Variants in CNTN5 observed in about 807,000 individuals in gnomAD.
CNTN5 encodes the protein contactin 5.
CNTN5 carries 77 observed loss-of-function variants against 129.1 expected under a neutral mutation model. The ratio of observed to expected loss-of-function variants is 0.60; its 90% CI spans 0.50 to 0.72. CNTN5 has a LOEUF of 0.72. Among genes scored for constraint, CNTN5 ranks in the 30% least tolerant of loss-of-function variants. The pLI is 0.00. For synonymous variants in CNTN5, 509 were observed against 465.6 expected (o/e 1.09, Z -1.20); for missense variants, 1,478 against 1,328.8 (o/e 1.11, Z -1.75).
chr11:99,649,009 A>C (rs2135872710), intron 3 of CNTN5, among the ~76,000 whole-genome samples: 1 of 151,838 alleles, frequency 6.6e-6, no homozygotes, highest in African/African-American at 2.4e-5. Context: ...TGGCATAACT[A>C]TAGTCAAGAA....
At chr11:99,113,442 A>C (rs1037214037) in intron 1 of CNTN5, among the ~76,000 whole-genome samples, 1 of 152,110 alleles carries the variant, frequency 6.6e-6, no homozygotes, top group African/African-American at 2.4e-5. Flanking sequence ...TAAGGCAGAA[A>C]AAAAGGAAAA....
chr11:100,299,300 C>T lies in CNTN5; in HGVS notation c.2524C>T (p.Pro842Ser). ...ATTCATTTATCGAGATGAAAGTGTC[C>T]CTCCTCTTACTCCCTTTGAAGTGAA... The part of the protein sequence containing the change: ...SKFIYRDESV[P>S]PLTPFEVKVG... Residue 842 changes from proline (P) to serine (S), a missense_variant, in exon 20 of 25, where the codon CCT becomes TCT. Transcript: ENST00000524871. The T allele has an allele frequency of 4.3e-6, 7 of 1,610,490 alleles. No homozygotes were observed. Among genetic ancestry groups the T allele is most frequent in the Non-Finnish European group, 5.9e-6 (7 of 1,177,710 alleles).
intron 21 of CNTN5, chr11:100,337,429 C>G: frequency 1.3e-6 from 1 of 756,372 alleles, no homozygotes; most frequent in Non-Finnish European, 2.5e-6. Context: ...AGCAGCCTCC[C>G]TGTGGCCCAA....
In CNTN5 at chr11:99,040,010, C is replaced by T. The variant is rs190626898; in HGVS notation, c.-210+18740C>T. On this transcript the variant is annotated intron_variant, in intron 1 of 24. Transcript: ENST00000524871. Reference sequence around the variant, plus strand: ...TTCATGCAGAGAAGAGATTTACTGACGGTTCAGTTTCATGAAATTTATGAC... The same window carrying T: ...TTCATGCAGAGAAGAGATTTACTGATGGTTCAGTTTCATGAAATTTATGAC... Among the ~76,000 whole-genome samples, 22 of 152,152 alleles carry T rather than the reference C, an allele frequency of 1.4e-4. 1 individual carries two copies. The highest frequency in any genetic ancestry group is 1.0e-3 in the South Asian group (5 of 4,824).
At chr11:100,058,658 T>C (rs562762929) in intron 9 of CNTN5, among the ~76,000 whole-genome samples, 1 of 152,240 alleles carries the variant, frequency 6.6e-6, no homozygotes, top group East Asian at 1.9e-4. Flanking sequence ...TATGTTTTAT[T>C]CCTAAGGAAT....
At chr11:99,144,768 T>A (rs1249573772) in intron 1 of CNTN5, among the ~76,000 whole-genome samples, 1 of 152,190 alleles carries the variant, frequency 6.6e-6, no homozygotes, top group Non-Finnish European at 1.5e-5. Context: ...TGTCTTTTTT[T>A]AATGATATCT....
intron 3 of CNTN5, among the ~76,000 whole-genome samples, chr11:99,560,842 C>T (rs1228175739): frequency 6.6e-6 from 1 of 151,966 alleles, no homozygotes; most frequent in South Asian, 2.1e-4. Flanking sequence ...TTACAATAAG[C>T]AAGAGAAGAA....
intron 1 of CNTN5, among the ~76,000 whole-genome samples, chr11:99,167,422 A>C (rs1860924307): frequency 6.6e-6 from 1 of 152,180 alleles, no homozygotes; most frequent in African/African-American, 2.4e-5. Context: ...TCAGTGGCTA[A>C]TTTGACCAAC....
At chr11:99,024,101 A>G (rs189717365) in intron 1 of CNTN5, among the ~76,000 whole-genome samples, 3 of 152,258 alleles carry the variant, frequency 2.0e-5, no homozygotes, top group Non-Finnish European at 4.4e-5. Flanking sequence ...ACTCCACATT[A>G]GAGGCTGGTA....
intron 3 of CNTN5, among the ~76,000 whole-genome samples, chr11:99,758,655 A>T (rs1169255912): frequency 6.6e-6 from 1 of 152,050 alleles, no homozygotes; most frequent in African/African-American, 2.4e-5. Flanking sequence ...TTAAAAGAGA[A>T]GGGCTTCAGG....
At chr11:99,683,102 C>T (rs917171002) in intron 3 of CNTN5, among the ~76,000 whole-genome samples, 1 of 151,888 alleles carries the variant, frequency 6.6e-6, no homozygotes, top group South Asian at 2.1e-4. Context: ...TATATGACTA[C>T]ATGACTAGTA....
At chr11:100,303,131 T>C (rs897066155) in intron 20 of CNTN5, among the ~76,000 whole-genome samples, 1 of 151,538 alleles carries the variant, frequency 6.6e-6, no homozygotes, top group Non-Finnish European at 1.5e-5. Flanking sequence ...GAAAAAGAGA[T>C]ATTTGCCTGC....
chr11:99,816,369 C>T (rs1946586653), intron 3 of CNTN5, among the ~76,000 whole-genome samples: 1 of 152,084 alleles, frequency 6.6e-6, no homozygotes, highest in East Asian at 1.9e-4. Context: ...TCTGACGAAC[C>T]TGCGTCTTCC....
chr11:99,547,185 A>G (rs1948326762), intron 2 of CNTN5, among the ~76,000 whole-genome samples: 1 of 151,908 alleles, frequency 6.6e-6, no homozygotes, highest in South Asian at 2.1e-4. Flanking sequence ...GTATTTTTTT[A>G]GTAGAGACAG....
chr11:100,016,856 C>A (rs995282118), intron 9 of CNTN5, among the ~76,000 whole-genome samples: 2 of 151,356 alleles, frequency 1.3e-5, no homozygotes, highest in African/African-American at 4.9e-5. Context: ...GCAGCACCTA[C>A]CTTGTGTGAC....
intron 2 of CNTN5, among the ~76,000 whole-genome samples, chr11:99,327,614 C>T (rs1865838660): frequency 6.6e-6 from 1 of 152,148 alleles, no homozygotes; most frequent in African/African-American, 2.4e-5. Context: ...ATGAGACAAA[C>T]TGAGCACTCC....
chr11:99,050,433 CTATTAA>C (rs1261605575), intron 1 of CNTN5, among the ~76,000 whole-genome samples: 3 of 151,518 alleles, frequency 2.0e-5, no homozygotes, highest in South Asian at 2.1e-4. Context: ...TTTACATTAA[CTATTAA>C]TATTAGTATT....
intron 8 of CNTN5, among the ~76,000 whole-genome samples, chr11:99,994,055 G>A (rs1000553861): frequency 6.6e-6 from 1 of 152,100 alleles, no homozygotes; most frequent in South Asian, 2.1e-4. Context: ...AATGCCTTTG[G>A]CCATAATGGA....
intron 3 of CNTN5, among the ~76,000 whole-genome samples, chr11:99,665,678 G>A (rs181982362): frequency 1.3e-5 from 2 of 151,594 alleles, no homozygotes; most frequent in Admixed American, 6.6e-5. Flanking sequence ...GTAGAGCCGG[G>A]GTTGCACAAT....
Sources: gnomAD v4.1 joint callset for allele counts (sites outside exome capture counted in the v4.1 genomes callset) on GRCh38, gnomAD v4.1.1 for gene constraint, MANE v1.5 for transcripts, NCBI Gene and HGNC (gene_info 2026-07-23, HGNC 2026-07-21) for gene names.